Variants in PRKX observed in about 807,000 individuals in gnomAD.
PRKX encodes cAMP-dependent protein kinase catalytic subunit PRKX.
A neutral mutation model predicts 22.0 loss-of-function variants in PRKX; 12 were observed. The observed-to-expected ratio is 0.54, with a 90% CI of 0.35 to 0.88. The LOEUF is 0.88. Ranked by LOEUF, PRKX falls within the 40% of genes least tolerant of loss-of-function variation. The pLI, the probability that PRKX is intolerant of heterozygous loss-of-function variation, is 0.01. For missense variants in PRKX, 217 were observed against 308.0 expected (o/e 0.70, Z 2.21); for synonymous variants, 134 against 137.7 (o/e 0.97, Z 0.19).
rs777858053 is a variant in PRKX at position 3,612,476 on chromosome X, C to T, written c.952-151G>A. 5.7e-5 allele frequency: 36 copies of T among 636,686 alleles called. No homozygotes were observed. In the South Asian group the frequency reaches 1.2e-3, roughly 21 times the overall value. The allele number at this position is 636,686 out of a possible 1,213,427, so 52.5% of individuals were successfully genotyped here. On this transcript the variant is annotated intron_variant, in intron 7 of 8. Coordinates refer to ENST00000262848, the MANE Select transcript of PRKX (RefSeq NM_005044.5). ...GTCTTCCCTTCATTTATGAAAGCGG[C>T]AATCTTTGAATTAAAATATTGTGAA... is the stretch of plus-strand genomic sequence containing the variant.
intron 3 of PRKX, among the ~76,000 whole-genome samples, chrX:3,648,940 A>G (rs1927253278): frequency 1.8e-5 from 2 of 110,793 alleles, no homozygotes; most frequent in African/African-American, 6.6e-5. Flanking sequence ...ACACAAACAA[A>G]CAAAAAGCTG....
chrX:3,712,923 G>A (rs3752361), intron 1 of PRKX, among the ~76,000 whole-genome samples, 165 bp downstream of exon 1: 2,016 of 112,556 alleles, frequency 0.018, 35 homozygotes, highest in East Asian at 0.063. Flanking sequence ...CGCTCCACCC[G>A]GGAAGACCCG....
intron 2 of PRKX, among the ~76,000 whole-genome samples, chrX:3,658,172 G>A (rs1927520387): frequency 9.0e-6 from 1 of 110,864 alleles, no homozygotes; most frequent in Admixed American, 9.6e-5. Context: ...TGTATTTTTA[G>A]TAGAGATGGG....
chrX:3,679,814 C>T (rs932360951), intron 1 of PRKX, among the ~76,000 whole-genome samples: 17 of 112,146 alleles, frequency 1.5e-4, no homozygotes, highest in Admixed American at 4.7e-4. Context: ...TTAAGGTGGG[C>T]ACGCCCTTTT....
rs746309565 is a variant in PRKX at position 3,621,276 on chromosome X, G to A, written c.856C>T (p.Arg286Ter). The A allele has an allele frequency of 2.5e-6, 3 of 1,207,596 alleles. No homozygotes were observed. Among genetic ancestry groups the A allele is most frequent in the South Asian group, 1.8e-5 (1 of 56,729 alleles). Residue 286 changes from arginine (R) to a stop codon, truncating the protein, a stop_gained, in exon 6 of 9, where the codon CGA (arginine) becomes TGA (stop). Transcript: ENST00000262848. LOFTEE classifies it high-confidence loss of function. ...KKLLVVDRTR[R>*]LGNMKNGAND... Reference sequence around the variant, plus strand: ...ATACTGACCTTCATGTTTCCTAATCGCCTTGTTCTGTCAACCACGAGCAGT... The same window carrying A: ...ATACTGACCTTCATGTTTCCTAATCACCTTGTTCTGTCAACCACGAGCAGT...
intron 7 of PRKX, 93 bp downstream of exon 7, chrX:3,615,722 C>G: frequency 2.8e-6 from 2 of 706,238 alleles, no homozygotes; most frequent in Non-Finnish European, 4.3e-6. Context: ...AATCACATGT[C>G]AGCCATCAAT....
chrX:3,620,390 T>C (rs756641702), intron 6 of PRKX, among the ~76,000 whole-genome samples: 1 of 112,303 alleles, frequency 8.9e-6, no homozygotes, highest in East Asian at 2.8e-4. Context: ...CACCGAACCC[T>C]ACAGAGAAAG....
chrX:3,627,238 C>T (rs1926677814), intron 4 of PRKX, among the ~76,000 whole-genome samples: 2 of 109,087 alleles, frequency 1.8e-5, no homozygotes, highest in Admixed American at 9.8e-5. Context: ...AAAAATTAGC[C>T]AGGCGTGGTG....
At chrX:3,638,394 G>A (rs148023217) in intron 4 of PRKX, among the ~76,000 whole-genome samples, 237 of 111,325 alleles carry the variant, frequency 2.1e-3, no homozygotes, top group Non-Finnish European at 3.7e-3. Flanking sequence ...AATAAAATTT[G>A]GGGCACACGA....
At chrX:3,689,862 A>G (rs1401781573) in intron 1 of PRKX, among the ~76,000 whole-genome samples, 1 of 111,170 alleles carries the variant, frequency 9.0e-6, no homozygotes, top group Non-Finnish European at 1.9e-5. Flanking sequence ...CTGTAGTCCC[A>G]GCTACTCAGG....
chrX:3,704,255 G>A (rs763495833), intron 1 of PRKX, among the ~76,000 whole-genome samples: 3 of 110,591 alleles, frequency 2.7e-5, no homozygotes, highest in South Asian at 3.7e-4. Context: ...CCGCACACAC[G>A]TATTACCAAA....
chrX:3,675,710 T>C (rs11152538), intron 1 of PRKX, among the ~76,000 whole-genome samples: 1 of 111,182 alleles, frequency 9.0e-6, no homozygotes, highest in Non-Finnish European at 1.9e-5. Flanking sequence ...TCTCCTCTTC[T>C]TCCTCTTCAT....
chrX:3,677,226 C>T (rs951528105), intron 1 of PRKX, among the ~76,000 whole-genome samples: 1 of 110,418 alleles, frequency 9.1e-6, no homozygotes, highest in Non-Finnish European at 1.9e-5. Flanking sequence ...CAATACTGAA[C>T]TGATAAATGA....
At chrX:3,654,436 G>A (rs1202746601) in intron 3 of PRKX, among the ~76,000 whole-genome samples, 1 of 96,056 alleles carries the variant, frequency 1.0e-5, no homozygotes, top group Non-Finnish European at 2.0e-5. Flanking sequence ...GTGAGCAGGT[G>A]TGTATGGAAT....
intron 4 of PRKX, among the ~76,000 whole-genome samples, chrX:3,637,581 A>C (rs1926918522): frequency 9.0e-6 from 1 of 111,154 alleles, no homozygotes. Context: ...GAAGAGACAC[A>C]GGGCTGCTGA....
intron 1 of PRKX, among the ~76,000 whole-genome samples, chrX:3,708,651 G>A (rs1045109573): frequency 9.1e-6 from 1 of 110,140 alleles, no homozygotes; most frequent in African/African-American, 3.3e-5. Flanking sequence ...GATCGCCTGA[G>A]GTCAGGAGTT....
At chrX:3,673,904 C>T (rs1362878291) in intron 2 of PRKX, among the ~76,000 whole-genome samples, 1 of 111,029 alleles carries the variant, frequency 9.0e-6, no homozygotes, top group Admixed American at 9.6e-5. Context: ...ACCCCTTCCA[C>T]CATGTGAGGA....
intron 1 of PRKX, among the ~76,000 whole-genome samples, chrX:3,711,483 T>A (rs927614215): frequency 1.8e-5 from 2 of 112,175 alleles, no homozygotes; most frequent in Non-Finnish European, 3.8e-5. Flanking sequence ...GCCCGCATCC[T>A]GCTCTCTGCC....
At chrX:3,660,034 G>A (rs187262430) in intron 2 of PRKX, among the ~76,000 whole-genome samples, 47 of 111,591 alleles carry the variant, frequency 4.2e-4, no homozygotes, top group African/African-American at 1.1e-3. Flanking sequence ...GCTTTGCACC[G>A]TTATTGGTTG....
Sources: allele counts gnomAD v4.1 joint callset (sites outside exome capture counted in the v4.1 genomes callset), GRCh38; gene constraint gnomAD v4.1.1; transcripts MANE v1.5; gene names NCBI Gene and HGNC (gene_info 2026-07-23, HGNC 2026-07-21).